Variants in GPHN observed in about 807,000 individuals in gnomAD.
The protein encoded by GPHN is gephyrin.
Under a neutral mutation model 95.5 loss-of-function variants are expected in GPHN, and 17 were observed. That is an observed-to-expected ratio of 0.18 (90% CI 0.12 to 0.27). The LOEUF (loss-of-function observed/expected upper bound fraction) is 0.27, where lower values mean the gene tolerates loss of function less well. GPHN is among the 10% of genes least tolerant of loss of function. The pLI is 1.00. For missense variants in GPHN, 660 were observed against 978.1 expected (o/e 0.67, Z 4.34); for synonymous variants, 320 against 322.5 (o/e 0.99, Z 0.08).
At chr14:67,520,462 T>C in the GPHN span, among the ~76,000 whole-genome samples, 2 of 152,258 alleles carry the variant, frequency 1.3e-5, no homozygotes, top group Non-Finnish European at 2.9e-5. Flanking sequence ...CTAACTTCTT[T>C]CATTTAGTAA....
At chr14:67,226,340 C>T in the GPHN span, among the ~76,000 whole-genome samples, 1 of 151,338 alleles carries the variant, frequency 6.6e-6, no homozygotes, top group Non-Finnish European at 1.5e-5. Flanking sequence ...TACAGACAAG[C>T]ACCACCACAA....
At chr14:66,865,484 A>C (rs1367359361) in intron 4 of GPHN, among the ~76,000 whole-genome samples, 5 of 152,186 alleles carry the variant, frequency 3.3e-5, no homozygotes, top group South Asian at 4.1e-4. Context: ...TAATACAAAA[A>C]AAATTAAAAC....
At chr14:67,595,431 C>A in the GPHN span, among the ~76,000 whole-genome samples, 3 of 152,192 alleles carry the variant, frequency 2.0e-5, no homozygotes, top group Non-Finnish European at 4.4e-5. Context: ...AAATCATAGA[C>A]TGAACAATTA....
the GPHN span, among the ~76,000 whole-genome samples, chr14:67,716,920 A>G: frequency 6.6e-5 from 10 of 151,990 alleles, no homozygotes; most frequent in Non-Finnish European, 1.3e-4. Flanking sequence ...AAATATCCAT[A>G]TATCCATAAC....
chr14:67,140,309 A>C (rs994974122), intron 17 of GPHN, among the ~76,000 whole-genome samples: 1 of 151,802 alleles, frequency 6.6e-6, no homozygotes, highest in African/African-American at 2.4e-5. Flanking sequence ...GCATGAACCC[A>C]GGAGGCAGAG....
intron 16 of GPHN, among the ~76,000 whole-genome samples, chr14:67,121,073 A>G (rs955100678): frequency 8.5e-5 from 13 of 152,208 alleles, no homozygotes; most frequent in Admixed American, 2.6e-4. Flanking sequence ...TGTTGGCCAT[A>G]TTAGTAGCTA....
intron 2 of GPHN, among the ~76,000 whole-genome samples, chr14:66,724,084 CAT>C (rs1408931269): frequency 6.6e-6 from 1 of 151,462 alleles, no homozygotes; most frequent in Non-Finnish European, 1.5e-5. Flanking sequence ...GTCAATAAAA[CAT>C]AGTAATGTGA....
At chr14:66,567,717 G>A (rs958439282) in intron 1 of GPHN, among the ~76,000 whole-genome samples, 6 of 152,112 alleles carry the variant, frequency 3.9e-5, no homozygotes, top group African/African-American at 1.4e-4. Context: ...TGTTGCTTTT[G>A]TTTACTGATA....
At chr14:66,550,136 G>A (rs1227393438) in intron 1 of GPHN, among the ~76,000 whole-genome samples, 5 of 152,158 alleles carry the variant, frequency 3.3e-5, no homozygotes, top group African/African-American at 1.2e-4. Flanking sequence ...CATTTTGAAA[G>A]GCTATATAGC....
chr14:67,425,528 G>A, the GPHN span, among the ~76,000 whole-genome samples: 49 of 152,244 alleles, frequency 3.2e-4, no homozygotes, highest in Middle Eastern at 0.017. Flanking sequence ...GGGCAACAGA[G>A]TCTCTAAAAC....
At chr14:66,569,037 A>C (rs2140342362) in intron 1 of GPHN, among the ~76,000 whole-genome samples, 1 of 152,310 alleles carries the variant, frequency 6.6e-6, no homozygotes, top group South Asian at 2.1e-4. Flanking sequence ...TATAAATCAT[A>C]TTCAGCACAT....
the GPHN span, among the ~76,000 whole-genome samples, chr14:67,560,967 G>T: frequency 6.6e-6 from 1 of 152,270 alleles, no homozygotes; most frequent in East Asian, 1.9e-4. Flanking sequence ...CTGACCTCAG[G>T]TGATCTGCCC....
the GPHN span, chr14:67,336,723 T>C: frequency 2.2e-6 from 1 of 455,972 alleles, no homozygotes; most frequent in Admixed American, 2.3e-5. Flanking sequence ...GATGGTAGAA[T>C]TTACAGTTCA....
At chr14:67,667,315 T>C in the GPHN span, among the ~76,000 whole-genome samples, 24 of 152,318 alleles carry the variant, frequency 1.6e-4, no homozygotes, top group African/African-American at 5.8e-4. Context: ...CTCATAAATA[T>C]GTGGTTACTT....
chr14:66,510,402 A>G (rs1039593407), intron 1 of GPHN, among the ~76,000 whole-genome samples: 2 of 152,258 alleles, frequency 1.3e-5, no homozygotes, highest in African/African-American at 4.8e-5. Flanking sequence ...TAATAGTTTC[A>G]TTTAACGAAT....
chr14:66,625,420 G>A (rs2063488327), intron 1 of GPHN, among the ~76,000 whole-genome samples: 1 of 152,056 alleles, frequency 6.6e-6, no homozygotes, highest in Non-Finnish European at 1.5e-5. Flanking sequence ...TACTTGATCA[G>A]CCCCTCCCTT....
chr14:67,058,597 T>C, intron 10 of GPHN, 52 bp from the exon 11 acceptor site: 2 of 1,531,542 alleles, frequency 1.3e-6, no homozygotes, highest in Non-Finnish European at 1.8e-6. Flanking sequence ...CATTGCCACT[T>C]TTTAATCAGT....
At chr14:67,297,853 C>A in the GPHN span, among the ~76,000 whole-genome samples, 1 of 152,144 alleles carries the variant, frequency 6.6e-6, no homozygotes, top group Admixed American at 6.5e-5. Flanking sequence ...AGATACAATT[C>A]TATCTTCATT....
chr14:67,569,897 C>T, the GPHN span: 1 of 1,505,844 alleles, frequency 6.6e-7, no homozygotes, highest in East Asian at 2.3e-5. Flanking sequence ...CTTGAGTAAT[C>T]TCATTCCTCT....
Sources: gnomAD v4.1 joint callset for allele counts (sites outside exome capture counted in the v4.1 genomes callset) on GRCh38, gnomAD v4.1.1 for gene constraint, MANE v1.5 for transcripts, NCBI Gene and HGNC (gene_info 2026-07-23, HGNC 2026-07-21) for gene names.